The following FBRSL1 variants were observed in gnomAD, a reference collection of about 807,000 sequenced individuals.
FBRSL1 encodes the protein fibrosin like 1, also known as fibrosin-1-like protein.
FBRSL1 carries 51 observed loss-of-function variants against 89.6 expected under a neutral mutation model. The ratio of observed to expected loss-of-function variants is 0.57; its 90% CI spans 0.45 to 0.72. The LOEUF (loss-of-function observed/expected upper bound fraction) is 0.72. Among genes scored for constraint, FBRSL1 ranks in the 30% least tolerant of loss-of-function variants. The pLI is 0.00. For synonymous variants in FBRSL1, 779 were observed against 681.1 expected (o/e 1.14, Z -2.24); for missense variants, 1,618 against 1,451.8 (o/e 1.11, Z -1.86).
rs773081414 is a variant in FBRSL1, at chr12:132,583,806, C to A, written c.*28C>A. ...CCGGGGCCGCAGACGCCTCTCCGAG[C>A]GGAGCGCACCGCTGTCCGTCTCTCC... On this transcript the variant is annotated 3_prime_UTR_variant, in exon 19 of 19. Coordinates refer to ENST00000680143, the MANE Select transcript of FBRSL1 (RefSeq NM_001367871.1). 3 of 1,159,736 alleles carry A rather than the reference C, an allele frequency of 2.6e-6. No individual in the cohort carries two copies. Among genetic ancestry groups the A allele is most frequent in the Non-Finnish European group, 3.2e-6 (3 of 930,314 alleles). The allele number at this position is 1,159,736 out of a possible 1,614,324, so 71.8% of individuals were successfully genotyped here.
In FBRSL1 at chr12:132,570,484, T is replaced by C; in HGVS notation, c.1157T>C (p.Leu386Pro). The C allele has an allele frequency of 2.0e-6, 3 of 1,529,018 alleles. No individual in the cohort carries two copies. The highest frequency in any genetic ancestry group is 2.6e-6 in the Non-Finnish European group (3 of 1,143,306). 94.7% of individuals were successfully genotyped at this position (1,529,018 alleles called of 1,614,324 possible). A position where few individuals can be genotyped will look rare whatever the true frequency, so the allele number is the denominator to read the frequency against. ...GCCATGTTTGCCGCACCCCCGACAC[T>C]GCCCCCGCCCCCGGCGCTGCCGGCC... ...HAAMFAAPPT[L>P]PPPPALPASS... Residue 386 changes from leucine (L) to proline (P), a missense_variant, in exon 8 of 19, where the codon CTG (leucine) becomes CCG (proline). Coordinates refer to ENST00000680143, the MANE Select transcript of FBRSL1 (RefSeq NM_001367871.1).
At chr12:132,566,373 C>T (rs911442325) in intron 5 of FBRSL1, 1 of 142,258 alleles carries the variant, frequency 7.0e-6, no homozygotes, top group African/African-American at 2.6e-5. Context: ...TAGACAGAAA[C>T]GTTGAATCCA....
intron 5 of FBRSL1, chr12:132,552,593 C>T (rs2038272298): frequency 1.2e-5 from 2 of 161,314 alleles, no homozygotes; most frequent in Non-Finnish European, 2.7e-5. Context: ...GGCTGGAGGC[C>T]CCTGCCATGG....
At position 132,549,458 on chromosome 12, in the gene FBRSL1, G is replaced by A. The variant is rs539643112; in HGVS notation, c.645+1426G>A. On this transcript the variant is annotated intron_variant, in intron 5 of 18. Transcript: ENST00000680143. ...CATTTCAGATGAGTAACCTTGTCCT[G>A]ATCTCAGGAATGAAATGAGGTCACG... 4.9e-4 allele frequency among the ~76,000 whole-genome samples: 74 copies of A among 152,314 alleles called. 1 individual carries two copies. In the South Asian group the frequency reaches 0.015, roughly 30 times the overall value.
chr12:132,564,357 T>C (rs1346912481), intron 5 of FBRSL1, among the ~76,000 whole-genome samples: 1 of 128,692 alleles, frequency 7.8e-6, no homozygotes, highest in African/African-American at 3.5e-5. Context: ...TCCAGATCCC[T>C]GCTTGGGATT....
chr12:132,539,116 G>A (rs1339201764), intron 4 of FBRSL1, among the ~76,000 whole-genome samples: 1 of 152,084 alleles, frequency 6.6e-6, no homozygotes, highest in Non-Finnish European at 1.5e-5. Context: ...CCCAGTGTGA[G>A]CCGCATCCCC....
chr12:132,507,992 C>A (rs759145768), intron 1 of FBRSL1, among the ~76,000 whole-genome samples, 161 bp from the exon 2 acceptor site: 5 of 152,176 alleles, frequency 3.3e-5, no homozygotes, highest in Non-Finnish European at 7.4e-5. Context: ...ATCGTCCTTC[C>A]CCTCCCATCC....
intron 9 of FBRSL1, 113 bp downstream of exon 9, chr12:132,571,344 T>C (rs1266670134): frequency 1.3e-6 from 2 of 1,550,156 alleles, no homozygotes; most frequent in East Asian, 4.9e-5. Context: ...ACACGCGGTT[T>C]CTGGTGCAGA....
chr12:132,521,784 C>G (rs1186756854), intron 2 of FBRSL1, among the ~76,000 whole-genome samples: 1 of 152,188 alleles, frequency 6.6e-6, no homozygotes, highest in African/African-American at 2.4e-5. Flanking sequence ...GTGCATTTGC[C>G]CTGACCATTG....
chr12:132,570,176 G>T lies in FBRSL1; in HGVS notation c.942G>T (p.Val314=). 2.0e-6 allele frequency: 3 copies of T among 1,505,560 alleles called. No individual in the cohort carries two copies. Among genetic ancestry groups the T allele is most frequent in the Non-Finnish European group, 2.6e-6 (3 of 1,135,244 alleles). 93.3% of individuals were successfully genotyped at this position (1,505,560 alleles called of 1,614,324 possible). ...CCCGCGGCCTGCTCCCGACACACGT[G>T]CCTGCATCCCTGGGCGCCTTCGCGG... is the stretch of plus-strand genomic sequence containing the variant. ...PQPRGLLPTH[V]PASLGAFAGH... is the part of the protein sequence containing the mutation. Residue 314 remains valine, a synonymous_variant, in exon 7 of 19, where the codon GTG becomes GTT. Transcript: ENST00000680143.
chr12:132,548,941 G>C (rs2037922190), intron 5 of FBRSL1, among the ~76,000 whole-genome samples: 1 of 152,206 alleles, frequency 6.6e-6, no homozygotes, highest in Non-Finnish European at 1.5e-5. Context: ...TTTTATGAAT[G>C]GAACAGTTCC....
rs2035744579 is a variant in FBRSL1 at position 132,525,838 on chromosome 12, GC to G, written c.579+18del. ...CGCTCAGCGATGTGAGTACCCAGCT[GC>G]CCGCGCCCGGAGGCTCCGAGTCTGG... On this transcript the variant is annotated intron_variant, in intron 3 of 18. Transcript: ENST00000680143. 6.5e-7 allele frequency: 1 copy of G among 1,538,338 alleles called. No homozygotes were observed.
rs1053474813 is a variant in FBRSL1, at chr12:132,546,715, C to A, written c.616-1288C>A. ...CCTGTCAGCCTCAGGAGACCCCCCC[C>A]ACAGGCCCACCCCAGCTGCCCAGCT... On this transcript the variant is annotated intron_variant, in intron 4 of 18. Coordinates refer to ENST00000680143, the MANE Select transcript of FBRSL1 (RefSeq NM_001367871.1). The surrounding 1 kb of genome is among the most constrained non-coding windows in gnomAD (Gnocchi z 4.0). Among the ~76,000 whole-genome samples the A allele has an allele frequency of 6.6e-5, 10 of 152,334 alleles. No homozygotes were observed. The highest frequency in any genetic ancestry group is 1.2e-4 in the African/African-American group (5 of 41,574).
chr12:132,570,321 C>T lies in FBRSL1; in HGVS notation c.1008-14C>T, dbSNP rs75404831. On this transcript the variant is annotated splice_polypyrimidine_tract_variant and intron_variant, in intron 7 of 18. Transcript: ENST00000680143. ...GGGGTCGGGCTGGCAGGCACTGAGC[C>T]CCGTGTCCCGCAGCAGGAGCAGCAG... 5.3e-3 allele frequency: 8,041 copies of T among 1,527,796 alleles called. 26 individuals are homozygous for T. The highest frequency in any genetic ancestry group is 6.1e-3 in the Non-Finnish European group (6,989 of 1,142,578). 94.6% of individuals were successfully genotyped at this position (1,527,796 alleles called of 1,614,324 possible).
chr12:132,515,484 G>A (rs1237672338), intron 2 of FBRSL1, among the ~76,000 whole-genome samples: 1 of 150,400 alleles, frequency 6.6e-6, no homozygotes, highest in South Asian at 2.1e-4. Flanking sequence ...TGCTTATATG[G>A]GAAAAGAAGA....
chr12:132,503,680 C>G (rs1298032198), intron 1 of FBRSL1, among the ~76,000 whole-genome samples: 2 of 152,224 alleles, frequency 1.3e-5, no homozygotes, highest in Non-Finnish European at 1.5e-5. Flanking sequence ...GGGCACAGGC[C>G]ACCACAGGTC....
Position 132,583,042 on chromosome 12 carries a change from G to T in FBRSL1, c.2273G>T (p.Gly758Val). Residue 758 changes from glycine to valine, a missense_variant, in exon 19 of 19, where the codon GGC (glycine) becomes GTC (valine). By Grantham distance (109) the Gly-to-Val change is moderately radical. Transcript: ENST00000680143. ...PATPAGHPVSGLLLRAQSELG... is the reference protein window; with the variant it reads ...PATPAGHPVSVLLLRAQSELG... ...ACCCCCGCTGGCCACCCCGTCAGCGGCCTCCTGCTCCGGGCCCAGAGCGAG... is the reference window on the plus strand; with the variant it reads ...ACCCCCGCTGGCCACCCCGTCAGCGTCCTCCTGCTCCGGGCCCAGAGCGAG... 3 of 1,454,388 alleles carry T rather than the reference G, an allele frequency of 2.1e-6. No homozygotes were observed. Among genetic ancestry groups the T allele is most frequent in the Non-Finnish European group, 2.7e-6 (3 of 1,111,014 alleles). The allele number at this position is 1,454,388 out of a possible 1,614,324, so 90.1% of individuals were successfully genotyped here.
chr12:132,506,503 CAGT>C (rs1381357544), intron 1 of FBRSL1, among the ~76,000 whole-genome samples: 1 of 152,246 alleles, frequency 6.6e-6, no homozygotes, highest in Non-Finnish European at 1.5e-5. Context: ...AATCCCAGCA[CAGT>C]GGTGCCCTGC....
Position 132,490,798 on chromosome 12 carries a change from G to T in FBRSL1, c.228G>T (p.Ser76=), listed in dbSNP as rs1182396877. The T allele has an allele frequency of 2.3e-6, 3 of 1,327,274 alleles. No individual in the cohort carries two copies. The highest frequency in any genetic ancestry group is 2.9e-6 in the Non-Finnish European group (3 of 1,036,058). 82.2% of individuals were successfully genotyped at this position (1,327,274 alleles called of 1,614,324 possible). A position where few individuals can be genotyped will look rare whatever the true frequency, so the allele number is the denominator to read the frequency against. The change falls in exon 1 of 19, where the codon TCG becomes TCT. Residue 76 remains serine, a synonymous_variant. Coordinates refer to ENST00000680143, the MANE Select transcript of FBRSL1 (RefSeq NM_001367871.1). ...GCCGCCGCCGCCGCGAGTCCAGCTC[G>T]CAGGAGGAGGAGGTCATCGACGGCT... ...PPRRRRRESS[S]QEEEVIDGFA...
Sources: allele counts gnomAD v4.1 joint callset (sites outside exome capture counted in the v4.1 genomes callset), GRCh38; gene constraint gnomAD v4.1.1; non-coding constraint Gnocchi (gnomAD v3.1); transcripts MANE v1.5; gene names NCBI Gene and HGNC (gene_info 2026-07-23, HGNC 2026-07-21).